The following CFAP119 variants were observed in gnomAD, a reference collection of about 807,000 sequenced individuals.
CFAP119 encodes the protein cilia- and flagella-associated protein 119.
the CFAP119 span, chr16:30,760,844 C>T: frequency 1.6e-6 from 1 of 642,612 alleles, no homozygotes; most frequent in Admixed American, 2.5e-5. Context: ...TCTTATGAGC[C>T]TCTCCATTTC....
the CFAP119 span, chr16:30,760,702 C>T: frequency 1.1e-5 from 17 of 1,542,856 alleles, no homozygotes; most frequent in Non-Finnish European, 1.3e-5. Flanking sequence ...TATTGGTGGC[C>T]GTTACCTATC....
chr16:30,759,692 G>C, the CFAP119 span: 6 of 1,613,526 alleles, frequency 3.7e-6, no homozygotes, highest in Non-Finnish European at 5.1e-6. Context: ...GTGAAGTAGC[G>C]GTAGCACTCC....
At chr16:30,759,818 G>A in the CFAP119 span, 23 of 1,509,206 alleles carry the variant, frequency 1.5e-5, no homozygotes, top group Non-Finnish European at 1.9e-5. Flanking sequence ...AGCTTCAGAA[G>A]CAGACAGATC....
the CFAP119 span, chr16:30,760,258 C>G: frequency 6.2e-7 from 1 of 1,614,074 alleles, no homozygotes; most frequent in Non-Finnish European, 8.5e-7. Context: ...CCCTGGGGCT[C>G]AAACCTGGTA....
At chr16:30,759,699 C>G in the CFAP119 span, 1 of 1,613,282 alleles carries the variant, frequency 6.2e-7, no homozygotes, top group South Asian at 1.1e-5. Context: ...AGCGGTAGCA[C>G]TCCTCCACGT....
At chr16:30,759,775 A>T in the CFAP119 span, 1 of 1,558,078 alleles carries the variant, frequency 6.4e-7, no homozygotes. Flanking sequence ...GTATCCATTC[A>T]TTCACTTCAC....
chr16:30,759,914 G>C, the CFAP119 span: 3 of 1,440,534 alleles, frequency 2.1e-6, no homozygotes, highest in African/African-American at 1.4e-5. Context: ...TTTCGGCACT[G>C]AACAAGACAG....
chr16:30,758,684 T>C, the CFAP119 span: 2 of 332,342 alleles, frequency 6.0e-6, no homozygotes, highest in Middle Eastern at 1.0e-3. Flanking sequence ...GCCTCCTGAG[T>C]AGCTGGGACT....
At chr16:30,761,546 G>A in the CFAP119 span, 4 of 1,536,000 alleles carry the variant, frequency 2.6e-6, no homozygotes, top group Admixed American at 3.9e-5. Flanking sequence ...CGCCCTCACC[G>A]GAAACAAGTT....
the CFAP119 span, chr16:30,761,325 C>A: frequency 6.4e-7 from 1 of 1,560,854 alleles, no homozygotes; most frequent in African/African-American, 1.4e-5. Flanking sequence ...CTTGCCATCT[C>A]ATCTCAAGGA....
At chr16:30,760,712 C>T in the CFAP119 span, 1 of 1,532,554 alleles carries the variant, frequency 6.5e-7, no homozygotes. Context: ...CGTTACCTAT[C>T]ATGACAAGGC....
chr16:30,760,779 T>C, the CFAP119 span: 3 of 920,638 alleles, frequency 3.3e-6, no homozygotes, highest in Admixed American at 4.0e-5. Context: ...CTGGGCTCTT[T>C]TGCCAGCTTG....
the CFAP119 span, chr16:30,758,804 C>T: frequency 9.8e-6 from 8 of 813,400 alleles, no homozygotes; most frequent in South Asian, 9.3e-5. Context: ...ATCCGCCTGC[C>T]TCAGATTGTG....
chr16:30,759,213 A>T, the CFAP119 span: 1 of 1,614,174 alleles, frequency 6.2e-7, no homozygotes, highest in Non-Finnish European at 8.5e-7. Flanking sequence ...GGGTGGCTGT[A>T]GCCCCATGTA....
chr16:30,758,730 A>G, the CFAP119 span: 4 of 432,606 alleles, frequency 9.2e-6, no homozygotes, highest in South Asian at 9.4e-5. Flanking sequence ...TATTTTTTGT[A>G]TTTTAGTAGA....
the CFAP119 span, chr16:30,759,549 C>T: frequency 5.0e-6 from 8 of 1,614,070 alleles, no homozygotes; most frequent in South Asian, 7.7e-5. Context: ...AAGGAGAGCC[C>T]ACTGGGGTCT....
At chr16:30,762,042 T>A in the CFAP119 span, 1 of 471,518 alleles carries the variant, frequency 2.1e-6, no homozygotes, top group Non-Finnish European at 3.7e-6. Context: ...CTGGGCGCCC[T>A]CTCTTCCAGG....
At chr16:30,760,241 C>CTCT in the CFAP119 span, 1 of 1,613,818 alleles carries the variant, frequency 6.2e-7, no homozygotes, top group Non-Finnish European at 8.5e-7. Context: ...GGCCCGGTTC[C>CTCT]TCTTCTCCCT....
At chr16:30,761,579 T>A in the CFAP119 span, 3 of 1,536,110 alleles carry the variant, frequency 2.0e-6, no homozygotes, top group Non-Finnish European at 1.7e-6. Context: ...TTCATCCGCT[T>A]TCGCCGCCGC....
Sources: allele counts gnomAD v4.1 joint callset, GRCh38; gene constraint gnomAD v4.1.1; transcripts MANE v1.5; gene names NCBI Gene and HGNC (gene_info 2026-07-23, HGNC 2026-07-21).